RELN: variants seen among roughly 807,000 people sequenced by gnomAD.
The protein encoded by RELN is reelin.
RELN carries 108 observed loss-of-function variants against 427.6 expected under a neutral mutation model. That is an observed-to-expected ratio of 0.25 (90% CI 0.22 to 0.30). The LOEUF (loss-of-function observed/expected upper bound fraction) is 0.30. Ranked by LOEUF, RELN falls within the 10% of genes least tolerant of loss-of-function variation. The pLI is 1.00. For missense variants in RELN, 3,715 were observed against 4,302.8 expected (o/e 0.86, Z 3.82); for synonymous variants, 1,524 against 1,513.4 (o/e 1.01, Z -0.16).
chr7:103,629,931 A>T lies in RELN; in HGVS notation c.2702+9T>A, dbSNP rs775559974. On this transcript the variant is annotated intron_variant, in intron 20 of 64. Coordinates refer to ENST00000428762, the MANE Select transcript of RELN (RefSeq NM_005045.4). ...CAAATTGTAACAATAACAATGATGA[A>T]ATCCTTACCAAAGGGTCCAGTCGTG... 1.3e-6 allele frequency: 2 copies of T among 1,506,456 alleles called. No individual in the cohort carries two copies. The highest frequency in any genetic ancestry group is 1.8e-6 in the Non-Finnish European group (2 of 1,082,048). The allele number at this position is 1,506,456 out of a possible 1,614,324, so 93.3% of individuals were successfully genotyped here. A position where few individuals can be genotyped will look rare whatever the true frequency, so the allele number is the denominator to read the frequency against.
chr7:103,649,652 C>T (rs1007115964), intron 16 of RELN, among the ~76,000 whole-genome samples: 20 of 151,834 alleles, frequency 1.3e-4, no homozygotes, highest in African/African-American at 4.4e-4. Flanking sequence ...ACATGCAACC[C>T]AAGAGCTTAA....
At chr7:103,974,589 T>C (rs145796468) in intron 1 of RELN, among the ~76,000 whole-genome samples, 12 of 152,352 alleles carry the variant, frequency 7.9e-5, no homozygotes, top group African/African-American at 2.4e-4. Context: ...TCTTAACTTA[T>C]AGGATATCAA....
chr7:103,964,794 C>T (rs755209377), intron 1 of RELN, among the ~76,000 whole-genome samples: 2 of 152,178 alleles, frequency 1.3e-5, no homozygotes, highest in South Asian at 2.1e-4. Flanking sequence ...AATGGGACCA[C>T]TGGAAGAGTA....
At chr7:103,527,917 C>T (rs528069127) in intron 46 of RELN, among the ~76,000 whole-genome samples, 1 of 152,268 alleles carries the variant, frequency 6.6e-6, no homozygotes, top group Non-Finnish European at 1.5e-5. Flanking sequence ...GTCAAAAAGA[C>T]AATAACAAGT....
At chr7:103,528,619 C>G (rs1829874244) in intron 46 of RELN, among the ~76,000 whole-genome samples, 1 of 152,026 alleles carries the variant, frequency 6.6e-6, no homozygotes, top group Non-Finnish European at 1.5e-5. Context: ...ATCTCTGCCT[C>G]CCAGGTTCAA....
intron 4 of RELN, among the ~76,000 whole-genome samples, chr7:103,773,477 C>CTCTCTCTCTT (rs1791658824): frequency 6.7e-6 from 1 of 148,314 alleles, no homozygotes; most frequent in Non-Finnish European, 1.5e-5. Context: ...CTCTCTCTCT[C>CTCTCTCTCTT]TCTTTCTTTC....
chr7:103,749,786 A>G (rs1283671371), intron 5 of RELN, among the ~76,000 whole-genome samples: 2 of 152,108 alleles, frequency 1.3e-5, no homozygotes, highest in African/African-American at 4.8e-5. Context: ...ATCAGCACCA[A>G]CCTACAAGGA....
intron 2 of RELN, among the ~76,000 whole-genome samples, chr7:103,863,446 G>A (rs1466183764): frequency 6.6e-6 from 1 of 152,148 alleles, no homozygotes; most frequent in Non-Finnish European, 1.5e-5. Flanking sequence ...AGAACAAACT[G>A]GAATGCAGGT....
At chr7:103,619,858 G>C (rs1471421505) in intron 20 of RELN, among the ~76,000 whole-genome samples, 1 of 151,946 alleles carries the variant, frequency 6.6e-6, no homozygotes, top group Non-Finnish European at 1.5e-5. Flanking sequence ...GAAAGTAAGA[G>C]TGTGTGTATA....
intron 3 of RELN, among the ~76,000 whole-genome samples, chr7:103,832,532 C>T (rs929198284): frequency 1.3e-5 from 2 of 152,146 alleles, no homozygotes; most frequent in Non-Finnish European, 2.9e-5. Flanking sequence ...TGAAGGATAT[C>T]ACGCATTCGA....
At chr7:103,703,861 A>C (rs1472194391) in intron 8 of RELN, among the ~76,000 whole-genome samples, 1 of 152,186 alleles carries the variant, frequency 6.6e-6, no homozygotes, top group Non-Finnish European at 1.5e-5. Context: ...CTAAAAATGC[A>C]AGCACTTTCT....
intron 10 of RELN, among the ~76,000 whole-genome samples, chr7:103,695,727 G>A (rs957058191): frequency 1.3e-5 from 2 of 152,098 alleles, no homozygotes; most frequent in Non-Finnish European, 2.9e-5. Flanking sequence ...GAGGTCTCCT[G>A]GGTTTATGCA....
At chr7:103,518,973 CAGA>C (rs1442568034) in intron 49 of RELN, among the ~76,000 whole-genome samples, 5 of 152,246 alleles carry the variant, frequency 3.3e-5, no homozygotes, top group Middle Eastern at 3.4e-3. Flanking sequence ...TCTCTAAAAA[CAGA>C]GTGTACACTA....
At chr7:103,709,393 C>T (rs184541344) in intron 8 of RELN, among the ~76,000 whole-genome samples, 4 of 152,278 alleles carry the variant, frequency 2.6e-5, no homozygotes, top group Admixed American at 6.5e-5. Flanking sequence ...AAAGATATGG[C>T]GACTGCTTTA....
At chr7:103,644,108 A>G (rs1832748439) in intron 16 of RELN, among the ~76,000 whole-genome samples, 1 of 151,916 alleles carries the variant, frequency 6.6e-6, no homozygotes, top group Admixed American at 6.6e-5. Context: ...CCTCAAGAGA[A>G]AAAAAATTCC....
At chr7:103,826,561 G>A (rs7778086) in intron 3 of RELN, among the ~76,000 whole-genome samples, 3,650 of 151,854 alleles carry the variant, frequency 0.024, 139 homozygotes, top group African/African-American at 0.082. Context: ...TAGAGTTGTC[G>A]CTGCCATGGA....
At chr7:103,674,904 T>C (rs964243017) in intron 11 of RELN, among the ~76,000 whole-genome samples, 2 of 152,176 alleles carry the variant, frequency 1.3e-5, no homozygotes, top group Non-Finnish European at 2.9e-5. Flanking sequence ...ATAAGATCTA[T>C]TTATGACAAA....
intron 48 of RELN, among the ~76,000 whole-genome samples, chr7:103,520,349 C>T (rs1829670985): frequency 6.6e-6 from 1 of 152,094 alleles, no homozygotes. Context: ...AGTCTCGGCT[C>T]ACTGCAACCT....
intron 10 of RELN, among the ~76,000 whole-genome samples, chr7:103,686,872 T>A (rs1041285011): frequency 4.6e-5 from 7 of 152,174 alleles, no homozygotes; most frequent in Non-Finnish European, 8.8e-5. Context: ...TAAATTTCTA[T>A]CATTTTCCAC....
Sources: allele counts gnomAD v4.1 joint callset (sites outside exome capture counted in the v4.1 genomes callset), GRCh38; gene constraint gnomAD v4.1.1; transcripts MANE v1.5; gene names NCBI Gene and HGNC (gene_info 2026-07-23, HGNC 2026-07-21).